NCMAP: variants seen among roughly 807,000 people sequenced by gnomAD.
NCMAP encodes the protein non-compact myelin associated protein.
A neutral mutation model predicts 7.8 loss-of-function variants in NCMAP; 8 were observed. The observed-to-expected ratio is 1.02, with a 90% CI of 0.60 to 1.84. NCMAP has a LOEUF of 1.84. Ranked by LOEUF, NCMAP falls within the 40% of genes most tolerant of loss-of-function variation. NCMAP has a pLI of 0.00. For synonymous variants in NCMAP, 41 were observed against 52.9 expected, an observed-to-expected ratio of 0.78 and a Z score of 0.98; for missense variants, 112 against 131.4, an observed-to-expected ratio of 0.85 and a Z score of 0.72.
intron 2 of NCMAP, among the ~76,000 whole-genome samples, chr1:24,600,347 T>C (rs1235237154): frequency 6.6e-6 from 1 of 151,826 alleles, no homozygotes; most frequent in Non-Finnish European, 1.5e-5. Flanking sequence ...AGAAACAGGA[T>C]CTTGCTATGT....
Position 24,581,640 on chromosome 1 carries a change from G to A in NCMAP, c.-7-13784G>A, listed in dbSNP as rs141982360. On this transcript the variant is annotated intron_variant, in intron 1 of 3. Coordinates refer to ENST00000374392, the MANE Select transcript of NCMAP (RefSeq NM_001010980.5). ...AGAGAGCCCAGCTAACCAACCCAGC[G>A]CACTTCCTCTAGTCTGTAAAGGGAT... Among the ~76,000 whole-genome samples the A allele has an allele frequency of 2.0e-3, 311 of 152,266 alleles. 1 individual carries two copies. The highest frequency in any genetic ancestry group is 3.9e-3 in the Non-Finnish European group (263 of 68,006).
At chr1:24,564,513 C>CAAAAAAAAAAAA (rs1184189345) in intron 1 of NCMAP, among the ~76,000 whole-genome samples, 8 of 50,008 alleles carry the variant, frequency 1.6e-4, no homozygotes, top group Admixed American at 3.1e-4. Context: ...GATTCTGTCT[C>CAAAAAAAAAAAA]AAAAAAAAAA....
intron 1 of NCMAP, among the ~76,000 whole-genome samples, chr1:24,569,948 TA>T (rs1227548513): frequency 2.7e-5 from 4 of 150,168 alleles, no homozygotes; most frequent in East Asian, 1.9e-4. Flanking sequence ...TTTCCTCACT[TA>T]AAAAAAATTT....
intron 2 of NCMAP, among the ~76,000 whole-genome samples, chr1:24,598,307 G>A (rs187697305): frequency 6.6e-6 from 1 of 152,204 alleles, no homozygotes; most frequent in African/African-American, 2.4e-5. Flanking sequence ...GCCACAAAGT[G>A]AACATACCTG....
intron 2 of NCMAP, among the ~76,000 whole-genome samples, chr1:24,597,657 A>C (rs1458256317): frequency 7.5e-6 from 1 of 132,918 alleles, no homozygotes; most frequent in Non-Finnish European, 1.7e-5. Flanking sequence ...GAAAGAAAGA[A>C]AGAAAGAAAG....
intron 2 of NCMAP, among the ~76,000 whole-genome samples, chr1:24,599,527 A>G (rs561939852): frequency 3.3e-5 from 5 of 152,298 alleles, no homozygotes; most frequent in African/African-American, 9.6e-5. Context: ...ATAATTAAAC[A>G]GAAAGATGAT....
chr1:24,597,669 A>AAGAAAG (rs1427045249), intron 2 of NCMAP, among the ~76,000 whole-genome samples: 1 of 139,584 alleles, frequency 7.2e-6, no homozygotes, highest in Non-Finnish European at 1.6e-5. Flanking sequence ...GAAAGAAAGA[A>AAGAAAG]AGAAAAGAAA....
At chr1:24,581,144 G>T (rs1336435564) in intron 1 of NCMAP, among the ~76,000 whole-genome samples, 1 of 150,996 alleles carries the variant, frequency 6.6e-6, no homozygotes, top group African/African-American at 2.4e-5. Flanking sequence ...TTGAGACGAG[G>T]TCTCGCTGCG....
At chr1:24,564,002 A>C (rs914266610) in intron 1 of NCMAP, 6 of 152,190 alleles carry the variant, frequency 3.9e-5, no homozygotes, top group African/African-American at 1.4e-4. Flanking sequence ...TCATTAAAAA[A>C]CTGCTGCAAT....
chr1:24,605,849 C>A lies in NCMAP; in HGVS notation c.*102C>A. 1 of 1,378,430 alleles carries A rather than the reference C, an allele frequency of 7.3e-7. No homozygotes were observed. The highest frequency in any genetic ancestry group is 1.3e-5 in the South Asian group (1 of 75,012). 85.4% of individuals were successfully genotyped at this position (1,378,430 alleles called of 1,614,324 possible). A position where few individuals can be genotyped will look rare whatever the true frequency, so the allele number is the denominator to read the frequency against. On this transcript the variant is annotated 3_prime_UTR_variant, in exon 4 of 4. Transcript: ENST00000374392. ...AGCTTCACAATGAGCTTCTTCTGGT[C>A]AGGTCGACAGAGACATCTTTGACGC...
intron 1 of NCMAP, among the ~76,000 whole-genome samples, chr1:24,568,180 C>T (rs140178392): frequency 3.0e-3 from 457 of 152,136 alleles, no homozygotes; most frequent in African/African-American, 0.01. Flanking sequence ...AACCTGAGCC[C>T]GGGGGCAGAG....
chr1:24,604,646 A>G (rs1200594935), intron 3 of NCMAP, among the ~76,000 whole-genome samples: 1 of 102,090 alleles, frequency 9.8e-6, no homozygotes, highest in Non-Finnish European at 1.9e-5. Flanking sequence ...ATATATATAT[A>G]TATATATGTC....
chr1:24,601,050 T>C, intron 3 of NCMAP, 26 bp downstream of exon 3: 1 of 1,596,534 alleles, frequency 6.3e-7, no homozygotes, highest in South Asian at 1.1e-5. Context: ...GCTTTGGAAC[T>C]GCCTGGACGG....
At chr1:24,580,905 T>C (rs1421711476) in intron 1 of NCMAP, among the ~76,000 whole-genome samples, 1 of 152,224 alleles carries the variant, frequency 6.6e-6, no homozygotes, top group African/African-American at 2.4e-5. Context: ...TTTTCCAGGC[T>C]GTTAAGTCAT....
chr1:24,573,969 A>AAAAAAAAAAAAAAAAAAAAAAAAAC lies in NCMAP; in HGVS notation c.-8+17802_-8+17803insAAAAAAAAAAAAAAAAAAAAAACAA, dbSNP rs1274825221. 2.0e-4 allele frequency among the ~76,000 whole-genome samples: 28 copies of AAAAAAAAAAAAAAAAAAAAAAAAAC among 136,856 alleles called. 1 individual carries two copies. The highest frequency in any genetic ancestry group is 3.8e-4 in the Non-Finnish European group (24 of 63,534). The allele number at this position is 136,856 out of a possible 152,430, so 89.8% of individuals were successfully genotyped here. A position where few individuals can be genotyped will look rare whatever the true frequency, so the allele number is the denominator to read the frequency against. On this transcript the variant is annotated intron_variant, in intron 1 of 3. Transcript: ENST00000374392. ...AGAGAGGACAAAAAAAAAAAAAAAA[A>AAAAAAAAAAAAAAAAAAAAAAAAAC]AACAGAAAAAAGGGGGAATATGTCA...
At chr1:24,591,704 GC>G (rs1427873578) in intron 1 of NCMAP, among the ~76,000 whole-genome samples, 1 of 152,196 alleles carries the variant, frequency 6.6e-6, no homozygotes, top group Non-Finnish European at 1.5e-5. Context: ...GTCAGGCAGA[GC>G]CACACGGGGT....
chr1:24,583,995 G>A (rs1411165679), intron 1 of NCMAP, among the ~76,000 whole-genome samples: 2 of 152,200 alleles, frequency 1.3e-5, no homozygotes, highest in Non-Finnish European at 1.5e-5. Context: ...GGGGAAGCAT[G>A]TGAAAGCACA....
intron 1 of NCMAP, among the ~76,000 whole-genome samples, chr1:24,591,219 C>T (rs1444645551): frequency 7.2e-5 from 11 of 152,128 alleles, no homozygotes; most frequent in Non-Finnish European, 1.3e-4. Context: ...GACAGAATCT[C>T]TATTTCAGTA....
intron 3 of NCMAP, among the ~76,000 whole-genome samples, chr1:24,605,071 G>A (rs1026550279): frequency 4.0e-5 from 6 of 151,414 alleles, no homozygotes; most frequent in South Asian, 2.1e-4. Context: ...AGGCAAGATC[G>A]CTCCACTGCA....
Sources: gnomAD v4.1 joint callset for allele counts (sites outside exome capture counted in the v4.1 genomes callset) on GRCh38, gnomAD v4.1.1 for gene constraint, MANE v1.5 for transcripts, NCBI Gene and HGNC (gene_info 2026-07-23, HGNC 2026-07-21) for gene names.